The following DPYD variants were observed in gnomAD, a reference collection of about 807,000 sequenced individuals.
DPYD encodes the protein dihydropyrimidine dehydrogenase [NADP(+)].
In DPYD, 109 loss-of-function variants were observed where a neutral mutation model predicts 116.2. That is an observed-to-expected ratio of 0.94 (90% CI 0.80 to 1.10). The LOEUF (loss-of-function observed/expected upper bound fraction) is 1.10. Ranked by LOEUF, DPYD falls within the 50% of genes least tolerant of loss-of-function variation. The pLI is 0.00. For synonymous variants in DPYD, 440 were observed against 432.0 expected, an observed-to-expected ratio of 1.02 and a Z score of -0.23; for missense variants, 1,302 against 1,254.5, an observed-to-expected ratio of 1.04 and a Z score of -0.57.
At chr1:97,757,797 A>C (rs1486853039) in intron 3 of DPYD, among the ~76,000 whole-genome samples, 1 of 152,220 alleles carries the variant, frequency 6.6e-6, no homozygotes, top group East Asian at 1.9e-4. Context: ...ATCAGCTTCC[A>C]AGACAAGTAT....
At position 97,251,775 on chromosome 1, in the gene DPYD, C is replaced by T. The variant is rs920694208; in HGVS notation, c.2300-16781G>A. On this transcript the variant is annotated intron_variant, in intron 18 of 22. Transcript: ENST00000370192. Reference sequence around the variant, plus strand: ...TTACGGCTAGACTATACCTCTAAATCGTAACTCTTGAATTAGCCAGGCATG... The same window carrying T: ...TTACGGCTAGACTATACCTCTAAATTGTAACTCTTGAATTAGCCAGGCATG... Among the ~76,000 whole-genome samples, 6 of 152,022 alleles carry T rather than the reference C, an allele frequency of 3.9e-5. No individual in the cohort carries two copies. The East Asian group carries it at 5.8e-4, about 15-fold the overall frequency.
chr1:97,714,813 G>GCC (rs1662518339), intron 5 of DPYD, among the ~76,000 whole-genome samples: 1 of 152,032 alleles, frequency 6.6e-6, no homozygotes, highest in Non-Finnish European at 1.5e-5. Flanking sequence ...TACTGCTGTG[G>GCC]CCTTACAGCC....
At chr1:97,517,610 C>G (rs997895288) in intron 12 of DPYD, among the ~76,000 whole-genome samples, 2 of 152,066 alleles carry the variant, frequency 1.3e-5, no homozygotes, top group African/African-American at 4.8e-5. Flanking sequence ...TAACCAGCCT[C>G]TTTGTACTTA....
intron 20 of DPYD, among the ~76,000 whole-genome samples, chr1:97,140,516 A>G (rs1654134919): frequency 6.6e-6 from 1 of 152,148 alleles, no homozygotes; most frequent in Non-Finnish European, 1.5e-5. Flanking sequence ...CCCTGATTGC[A>G]TCAATATCAC....
chr1:97,279,965 T>G (rs1402624057), intron 18 of DPYD: 1 of 152,168 alleles, frequency 6.6e-6, no homozygotes, highest in East Asian at 1.9e-4. Context: ...AAAGGCACAT[T>G]GCTTTCATGA....
chr1:97,453,523 C>T (rs1367907110), intron 13 of DPYD, among the ~76,000 whole-genome samples: 3 of 152,064 alleles, frequency 2.0e-5, no homozygotes, highest in Non-Finnish European at 4.4e-5. Flanking sequence ...TTCAGGAATT[C>T]TAAGCTATAT....
intron 8 of DPYD, among the ~76,000 whole-genome samples, chr1:97,661,666 T>G (rs1659265789): frequency 6.6e-6 from 1 of 152,310 alleles, no homozygotes; most frequent in South Asian, 2.1e-4. Context: ...GAAATTTCTC[T>G]TGCAGAATAA....
intron 19 of DPYD, among the ~76,000 whole-genome samples, chr1:97,194,141 G>T (rs1402425015): frequency 2.0e-5 from 3 of 152,144 alleles, no homozygotes; most frequent in Admixed American, 6.6e-5. Context: ...AATATAAGAT[G>T]AATGAATAAT....
At chr1:97,691,269 G>T (rs1660995458) in intron 7 of DPYD, 1 of 154,392 alleles carries the variant, frequency 6.5e-6, no homozygotes, top group Admixed American at 6.3e-5. Flanking sequence ...TTTACTGCTT[G>T]TGTTGAGAAA....
At chr1:97,634,456 T>G (rs560134873) in intron 8 of DPYD, among the ~76,000 whole-genome samples, 1 of 151,868 alleles carries the variant, frequency 6.6e-6, no homozygotes, top group Non-Finnish European at 1.5e-5. Context: ...AGAAAAATAA[T>G]TAAATATAAA....
chr1:97,811,611 AT>A (rs1299896786), intron 3 of DPYD, among the ~76,000 whole-genome samples: 6 of 152,186 alleles, frequency 3.9e-5, no homozygotes, highest in Non-Finnish European at 7.4e-5. Flanking sequence ...CACATAAAAA[AT>A]AACTTTGTTT....
chr1:97,565,246 T>G (rs776286737), intron 11 of DPYD, among the ~76,000 whole-genome samples: 20 of 152,108 alleles, frequency 1.3e-4, no homozygotes, highest in Admixed American at 2.0e-4. Flanking sequence ...AAAATGTGGT[T>G]GCTTATTTTC....
chr1:97,609,315 T>C (rs1655791794), intron 8 of DPYD, among the ~76,000 whole-genome samples: 1 of 151,982 alleles, frequency 6.6e-6, no homozygotes, highest in African/African-American at 2.4e-5. Context: ...CCAGCCACAA[T>C]CTAGACTCTT....
chr1:97,907,598 T>A (rs1025126267), intron 1 of DPYD, among the ~76,000 whole-genome samples: 11 of 152,090 alleles, frequency 7.2e-5, no homozygotes, highest in Non-Finnish European at 1.6e-4. Flanking sequence ...CTACAAAAAT[T>A]TGAATTTAAT....
intron 2 of DPYD, among the ~76,000 whole-genome samples, chr1:97,882,197 C>T (rs1319707947): frequency 6.6e-6 from 1 of 151,786 alleles, no homozygotes; most frequent in East Asian, 1.9e-4. Context: ...AACAAAGCTC[C>T]CAAAACTGGA....
intron 16 of DPYD, among the ~76,000 whole-genome samples, chr1:97,369,939 T>A (rs1236350133): frequency 6.6e-6 from 1 of 152,116 alleles, no homozygotes; most frequent in East Asian, 1.9e-4. Context: ...CAAGAATCAC[T>A]AAGTAAAATA....
intron 18 of DPYD, among the ~76,000 whole-genome samples, chr1:97,254,857 A>G (rs766960290): frequency 6.6e-6 from 1 of 152,160 alleles, no homozygotes; most frequent in Non-Finnish European, 1.5e-5. Context: ...CTCACTTGCT[A>G]AGTGTATGTC....
At chr1:97,198,831 C>G (rs776232446) in intron 19 of DPYD, among the ~76,000 whole-genome samples, 3 of 152,072 alleles carry the variant, frequency 2.0e-5, no homozygotes, top group Non-Finnish European at 4.4e-5. Context: ...GTGAATATCC[C>G]TATAGTGAGC....
intron 16 of DPYD, among the ~76,000 whole-genome samples, chr1:97,366,546 A>T (rs1671052248): frequency 6.6e-6 from 1 of 152,160 alleles, no homozygotes; most frequent in African/African-American, 2.4e-5. Context: ...AACCTAGTCT[A>T]TCCCATACTT....
Sources: allele counts gnomAD v4.1 joint callset (sites outside exome capture counted in the v4.1 genomes callset), GRCh38; gene constraint gnomAD v4.1.1; transcripts MANE v1.5; gene names NCBI Gene and HGNC (gene_info 2026-07-23, HGNC 2026-07-21).